The following CSMD1 variants were observed in gnomAD, a reference collection of about 807,000 sequenced individuals.
The protein encoded by CSMD1 is CUB and Sushi multiple domains 1, also known as CUB and sushi domain-containing protein 1.
A neutral mutation model predicts 417.5 loss-of-function variants in CSMD1; 213 were observed. The ratio of observed to expected loss-of-function variants is 0.51; its 90% CI spans 0.46 to 0.57. CSMD1 has a LOEUF of 0.57. Among genes scored for constraint, CSMD1 ranks in the 20% least tolerant of loss-of-function variants. The pLI is 0.00. For synonymous variants in CSMD1, 2,862 were observed against 1,736.8 expected, an observed-to-expected ratio of 1.65 and a Z score of -16.11; for missense variants, 6,923 against 4,529.7, an observed-to-expected ratio of 1.53 and a Z score of -15.17.
intron 5 of CSMD1, among the ~76,000 whole-genome samples, chr8:3,772,345 A>ACATATATTTATATATACATATG (rs1563063990): frequency 1.4e-5 from 1 of 70,748 alleles, no homozygotes; most frequent in Non-Finnish European, 2.6e-5. Flanking sequence ...ACATACATAT[A>ACATATATTTATATATACATATG]TACATATATT....
intron 3 of CSMD1, among the ~76,000 whole-genome samples, chr8:4,282,940 C>A (rs117124961): frequency 0.016 from 2,432 of 152,228 alleles, 31 homozygotes; most frequent in Admixed American, 0.029. Context: ...AATGTCAAAT[C>A]TGACCCTACA....
At chr8:3,432,808 A>G (rs550310364) in intron 12 of CSMD1, among the ~76,000 whole-genome samples, 2 of 152,192 alleles carry the variant, frequency 1.3e-5, no homozygotes, top group South Asian at 2.1e-4. Flanking sequence ...GCCACTACAC[A>G]TGGCCAACAT....
At chr8:3,857,118 G>A (rs1356903727) in intron 5 of CSMD1, among the ~76,000 whole-genome samples, 2 of 152,078 alleles carry the variant, frequency 1.3e-5, no homozygotes, top group Non-Finnish European at 2.9e-5. Flanking sequence ...AGTCATAAAA[G>A]TAACTAAGAC....
At chr8:4,411,989 GGT>G (rs60793651) in intron 3 of CSMD1, among the ~76,000 whole-genome samples, 84 of 148,882 alleles carry the variant, frequency 5.6e-4, no homozygotes, top group South Asian at 3.4e-3. Context: ...CATAGCTAAG[GGT>G]GTGTGTGTGT....
At chr8:4,081,655 G>A (rs927493341) in intron 3 of CSMD1, among the ~76,000 whole-genome samples, 1 of 152,228 alleles carries the variant, frequency 6.6e-6, no homozygotes, top group South Asian at 2.1e-4. Context: ...TAGATACTAT[G>A]CTACACAATG....
intron 26 of CSMD1, among the ~76,000 whole-genome samples, chr8:3,283,356 C>CTACAAGATAGGT (rs1802884193): frequency 6.6e-6 from 1 of 151,710 alleles, no homozygotes; most frequent in Non-Finnish European, 1.5e-5. Context: ...TGAAGATAGG[C>CTACAAGATAGGT]TCTACATTTA....
chr8:4,262,144 G>A (rs997941601), intron 3 of CSMD1, among the ~76,000 whole-genome samples: 1 of 152,010 alleles, frequency 6.6e-6, no homozygotes, highest in African/African-American at 2.4e-5. Context: ...TTCTAATTCT[G>A]CTATTTGTAG....
intron 1 of CSMD1, among the ~76,000 whole-genome samples, chr8:4,768,780 T>C (rs796138170): frequency 5.3e-5 from 8 of 152,286 alleles, no homozygotes; most frequent in African/African-American, 1.7e-4. Flanking sequence ...TATAGGCACA[T>C]CTTATGGGAA....
chr8:4,436,306 G>T (rs1312158923), intron 2 of CSMD1, among the ~76,000 whole-genome samples: 2 of 151,910 alleles, frequency 1.3e-5, no homozygotes, highest in African/African-American at 4.8e-5. Context: ...CATCTTATCT[G>T]TTTTTGTCAC....
intron 5 of CSMD1, among the ~76,000 whole-genome samples, chr8:3,957,183 C>T (rs989983047): frequency 6.6e-6 from 1 of 152,150 alleles, no homozygotes; most frequent in East Asian, 1.9e-4. Flanking sequence ...CCTGATGTAA[C>T]TGCAGAACTA....
At chr8:3,307,899 A>C (rs558316908) in intron 24 of CSMD1, 78 bp from the exon 25 acceptor site, 1 of 1,500,836 alleles carries the variant, frequency 6.7e-7, no homozygotes, top group East Asian at 2.3e-5. Flanking sequence ...TCAAAACCAA[A>C]GCCATTATGT....
At chr8:4,014,388 G>C (rs1051329886) in intron 4 of CSMD1, among the ~76,000 whole-genome samples, 2 of 152,170 alleles carry the variant, frequency 1.3e-5, no homozygotes, top group Non-Finnish European at 2.9e-5. Context: ...AATGCACATA[G>C]AAGTGTGTAT....
intron 5 of CSMD1, among the ~76,000 whole-genome samples, chr8:3,982,170 A>AATAATG (rs1813924379): frequency 7.8e-6 from 1 of 128,290 alleles, no homozygotes; most frequent in Non-Finnish European, 1.7e-5. Flanking sequence ...AAATAATAAT[A>AATAATG]ATAATAATAA....
chr8:4,848,128 C>G (rs1479426199), intron 1 of CSMD1, among the ~76,000 whole-genome samples: 56 of 152,138 alleles, frequency 3.7e-4, no homozygotes, highest in Admixed American at 3.7e-3. Flanking sequence ...CAAGGTTCAT[C>G]CATGCTGCAG....
chr8:4,061,481 A>G (rs1197548825), intron 3 of CSMD1, among the ~76,000 whole-genome samples: 2 of 152,222 alleles, frequency 1.3e-5, no homozygotes, highest in Non-Finnish European at 2.9e-5. Context: ...AGGTGGCAAA[A>G]GGAGTTTAAA....
chr8:3,924,365 G>C (rs1036017730), intron 5 of CSMD1, among the ~76,000 whole-genome samples: 1 of 152,116 alleles, frequency 6.6e-6, no homozygotes, highest in Non-Finnish European at 1.5e-5. Context: ...AAAAGCTCAA[G>C]CTGCATTTAA....
chr8:4,280,420 G>C (rs1442395684), intron 3 of CSMD1, among the ~76,000 whole-genome samples: 1 of 152,146 alleles, frequency 6.6e-6, no homozygotes, highest in Non-Finnish European at 1.5e-5. Flanking sequence ...TTAAATTTTA[G>C]TACCGAAATG....
intron 10 of CSMD1, among the ~76,000 whole-genome samples, chr8:3,552,167 A>AT (rs1487093869): frequency 1.3e-5 from 2 of 152,180 alleles, no homozygotes; most frequent in Admixed American, 1.3e-4. Context: ...AAGAGGTGAG[A>AT]TTTTCTGCAC....
intron 3 of CSMD1, among the ~76,000 whole-genome samples, chr8:4,089,908 G>C (rs1402323817): frequency 6.6e-6 from 1 of 152,060 alleles, no homozygotes; most frequent in East Asian, 1.9e-4. Flanking sequence ...GACCTGATTG[G>C]AATGAACCGA....
Sources: gnomAD v4.1 joint callset for allele counts (sites outside exome capture counted in the v4.1 genomes callset) on GRCh38, gnomAD v4.1.1 for gene constraint, MANE v1.5 for transcripts, NCBI Gene and HGNC (gene_info 2026-07-23, HGNC 2026-07-21) for gene names.